SLC24A2: variants seen among roughly 807,000 people sequenced by gnomAD.
The protein encoded by SLC24A2 is solute carrier family 24 member 2.
In SLC24A2, 36 loss-of-function variants were observed where a neutral mutation model predicts 62.0. The observed-to-expected ratio is 0.58, with a 90% CI of 0.44 to 0.77. The LOEUF is 0.77. Ranked by LOEUF, SLC24A2 falls within the 30% of genes least tolerant of loss-of-function variation. SLC24A2 has a pLI of 0.00. For synonymous variants in SLC24A2, 358 were observed against 294.0 expected, an observed-to-expected ratio of 1.22 and a Z score of -2.23; for missense variants, 846 against 817.9, an observed-to-expected ratio of 1.03 and a Z score of -0.42.
chr9:20,246,961 T>C, the SLC24A2 span, among the ~76,000 whole-genome samples: 1 of 152,248 alleles, frequency 6.6e-6, no homozygotes, highest in Non-Finnish European at 1.5e-5. Context: ...AGGATCCCTA[T>C]TTATTTCTGT....
chr9:19,557,410 C>T (rs908457225), intron 7 of SLC24A2, among the ~76,000 whole-genome samples: 16 of 152,100 alleles, frequency 1.1e-4, no homozygotes, highest in Non-Finnish European at 2.2e-4. Flanking sequence ...GAGCCGAAGG[C>T]GGTGGTTCTT....
chr9:20,265,670 C>T, the SLC24A2 span, among the ~76,000 whole-genome samples: 1 of 152,242 alleles, frequency 6.6e-6, no homozygotes, highest in Non-Finnish European at 1.5e-5. Context: ...AATATGAAAT[C>T]TGGGCACCTT....
At chr9:19,635,888 C>A (rs1048112368) in intron 2 of SLC24A2, among the ~76,000 whole-genome samples, 1 of 152,222 alleles carries the variant, frequency 6.6e-6, no homozygotes, top group African/African-American at 2.4e-5. Context: ...ATAGTCATAA[C>A]AACCATGTGT....
At chr9:19,671,426 T>C (rs1162589969) in intron 2 of SLC24A2, among the ~76,000 whole-genome samples, 4 of 152,178 alleles carry the variant, frequency 2.6e-5, no homozygotes, top group Non-Finnish European at 4.4e-5. Flanking sequence ...CTCTGCTGAA[T>C]TCATTTATCA....
At chr9:19,817,654 A>C in the SLC24A2 span, among the ~76,000 whole-genome samples, 1 of 152,142 alleles carries the variant, frequency 6.6e-6, no homozygotes, top group Non-Finnish European at 1.5e-5. Context: ...ATTATAAAAT[A>C]TAGAGTTTGA....
chr9:20,303,240 C>A, the SLC24A2 span, among the ~76,000 whole-genome samples: 30 of 152,020 alleles, frequency 2.0e-4, no homozygotes, highest in Non-Finnish European at 3.5e-4. Context: ...AAAAAAGAAC[C>A]CTGAGGGGAA....
chr9:20,220,313 G>C, the SLC24A2 span, among the ~76,000 whole-genome samples: 1 of 152,050 alleles, frequency 6.6e-6, no homozygotes, highest in Non-Finnish European at 1.5e-5. Flanking sequence ...AAAGGGCTTG[G>C]TGGAAAAGTA....
chr9:19,558,620 G>A (rs893733419), intron 7 of SLC24A2, among the ~76,000 whole-genome samples: 5 of 152,092 alleles, frequency 3.3e-5, no homozygotes, highest in African/African-American at 1.2e-4. Context: ...AACTTTCCTG[G>A]GGCTAACTTT....
chr9:19,637,988 A>G (rs1416698118), intron 2 of SLC24A2, among the ~76,000 whole-genome samples: 1 of 152,230 alleles, frequency 6.6e-6, no homozygotes, highest in Non-Finnish European at 1.5e-5. Context: ...AGAGAAATCA[A>G]TAGCACTTAG....
At chr9:19,689,716 C>A (rs1157591663) in intron 2 of SLC24A2, among the ~76,000 whole-genome samples, 5 of 152,146 alleles carry the variant, frequency 3.3e-5, no homozygotes, top group Admixed American at 3.3e-4. Context: ...GCACCTACCT[C>A]TCCTCTTTTT....
At chr9:19,934,105 G>T in the SLC24A2 span, among the ~76,000 whole-genome samples, 1 of 152,132 alleles carries the variant, frequency 6.6e-6, no homozygotes, top group African/African-American at 2.4e-5. The surrounding 1 kb of genome is among the most constrained non-coding windows in gnomAD (Gnocchi z 4.1). Context: ...CACTTTAAAA[G>T]GGCGAATTTT....
At chr9:20,148,928 A>T in the SLC24A2 span, among the ~76,000 whole-genome samples, 1 of 152,084 alleles carries the variant, frequency 6.6e-6, no homozygotes, top group Non-Finnish European at 1.5e-5. Context: ...TAAAAATCAC[A>T]GTTGTAAGTG....
the SLC24A2 span, among the ~76,000 whole-genome samples, chr9:20,199,278 C>A: frequency 6.6e-6 from 1 of 152,116 alleles, no homozygotes; most frequent in African/African-American, 2.4e-5. Context: ...AGTCTAGGAA[C>A]CAATAAAAAG....
the SLC24A2 span, among the ~76,000 whole-genome samples, chr9:20,296,611 G>A: frequency 1.3e-5 from 2 of 152,208 alleles, no homozygotes; most frequent in Admixed American, 6.5e-5. Flanking sequence ...CTGCATTTGT[G>A]AAAGATATGA....
At chr9:20,277,477 C>T in the SLC24A2 span, among the ~76,000 whole-genome samples, 174 of 151,734 alleles carry the variant, frequency 1.1e-3, no homozygotes, top group Non-Finnish European at 2.2e-3. Context: ...CCGCAAGACA[C>T]ATGAAAAAAT....
upstream of SLC24A2, among the ~76,000 whole-genome samples, chr9:19,792,249 T>C (rs1351951721): frequency 2.0e-5 from 3 of 152,182 alleles, no homozygotes; most frequent in Non-Finnish European, 2.9e-5. Context: ...TTGCTTTGGC[T>C]TTATATTTTA....
the SLC24A2 span, among the ~76,000 whole-genome samples, chr9:20,064,154 C>T: frequency 6.6e-6 from 1 of 152,012 alleles, no homozygotes; most frequent in Non-Finnish European, 1.5e-5. Flanking sequence ...GGAATGCAAA[C>T]ACTGATACAT....
chr9:19,850,946 CATATATATATATATATATAT>C, the SLC24A2 span, among the ~76,000 whole-genome samples: 35 of 24,714 alleles, frequency 1.4e-3, no homozygotes, highest in African/African-American at 3.7e-3. Flanking sequence ...TATATATATA[CATATATATATATATATATAT>C]GTATATATAT....
chr9:19,656,054 A>T (rs1308549485), intron 2 of SLC24A2, among the ~76,000 whole-genome samples: 1 of 152,152 alleles, frequency 6.6e-6, no homozygotes, highest in Non-Finnish European at 1.5e-5. Context: ...TGCAATTATG[A>T]CAAGTGGGCC....
Sources: allele counts gnomAD v4.1 joint callset (sites outside exome capture counted in the v4.1 genomes callset), GRCh38; gene constraint gnomAD v4.1.1; non-coding constraint Gnocchi (gnomAD v3.1); transcripts MANE v1.5; gene names NCBI Gene and HGNC (gene_info 2026-07-23, HGNC 2026-07-21).